Variants in NALF1 observed in about 807,000 individuals in gnomAD.
NALF1 encodes the protein family with sequence similarity 155 member A.
A neutral mutation model predicts 48.4 loss-of-function variants in NALF1; 3 were observed. The observed-to-expected ratio is 0.06, with a 90% CI of 0.03 to 0.16. The LOEUF (loss-of-function observed/expected upper bound fraction) is 0.16, where lower values mean the gene tolerates loss of function less well. Among genes scored for constraint, NALF1 ranks in the 10% least tolerant of loss-of-function variants. The pLI, the probability that NALF1 is intolerant of heterozygous loss-of-function variation, is 1.00. For synonymous variants in NALF1, 262 were observed against 245.7 expected, an observed-to-expected ratio of 1.07 and a Z score of -0.62; for missense variants, 526 against 571.5, an observed-to-expected ratio of 0.92 and a Z score of 0.81.
intron 1 of NALF1, among the ~76,000 whole-genome samples, chr13:107,247,240 C>T (rs1880603289): frequency 6.6e-6 from 1 of 152,128 alleles, no homozygotes. Context: ...ATTCCTTTAT[C>T]TTCCTTAACA....
chr13:107,441,728 G>T (rs1884563201), intron 1 of NALF1, among the ~76,000 whole-genome samples: 1 of 152,192 alleles, frequency 6.6e-6, no homozygotes, highest in Admixed American at 6.5e-5. Context: ...AAGGAATGGG[G>T]TGATTTCAGC....
intron 1 of NALF1, among the ~76,000 whole-genome samples, chr13:107,442,012 A>T (rs1236504683): frequency 6.6e-6 from 1 of 152,224 alleles, no homozygotes; most frequent in Non-Finnish European, 1.5e-5. Flanking sequence ...AGAGACCAAC[A>T]TATATTTTTA....
At chr13:107,232,435 G>C (rs957671372) in intron 1 of NALF1, among the ~76,000 whole-genome samples, 57 of 152,202 alleles carry the variant, frequency 3.7e-4, no homozygotes, top group Admixed American at 2.9e-3. Context: ...AGTATTAACA[G>C]ATTCCTCCTA....
rs1879333716 is a variant in NALF1 at position 107,193,966 on chromosome 13, C to T, written c.1087+16618G>A. 5.3e-5 allele frequency among the ~76,000 whole-genome samples: 8 copies of T among 152,046 alleles called. 1 individual carries two copies. In the South Asian group the frequency reaches 1.5e-3, roughly 28 times the overall value. ...TGAATCTCTCCATGTACATCTACCA[C>T]CAATACATCTTTATATATCTCAACT... On this transcript the variant is annotated intron_variant, in intron 2 of 2. Coordinates refer to ENST00000375915, the MANE Select transcript of NALF1 (RefSeq NM_001080396.3).
intron 2 of NALF1, among the ~76,000 whole-genome samples, chr13:107,208,071 C>A (rs922494080): frequency 6.6e-6 from 1 of 152,148 alleles, no homozygotes; most frequent in African/African-American, 2.4e-5. Flanking sequence ...AAAAGAAGAT[C>A]AATATGAAAA....
At chr13:107,762,604 A>G (rs1877296706) in intron 1 of NALF1, among the ~76,000 whole-genome samples, 3 of 152,212 alleles carry the variant, frequency 2.0e-5, no homozygotes, top group African/African-American at 7.2e-5. Flanking sequence ...AGTTAGAGAA[A>G]ATCAAACAGG....
intron 1 of NALF1, among the ~76,000 whole-genome samples, chr13:107,408,939 T>C (rs1002988538): frequency 6.6e-6 from 1 of 152,194 alleles, no homozygotes; most frequent in African/African-American, 2.4e-5. Flanking sequence ...ACCAACTATT[T>C]ATAGAAAACC....
At chr13:107,198,160 G>A (rs1463619894) in intron 2 of NALF1, among the ~76,000 whole-genome samples, 1 of 151,976 alleles carries the variant, frequency 6.6e-6, no homozygotes, top group Non-Finnish European at 1.5e-5. Context: ...TAAATTTTCA[G>A]CAATATTGAG....
At chr13:107,434,367 T>G (rs531687029) in intron 1 of NALF1, among the ~76,000 whole-genome samples, 1 of 152,128 alleles carries the variant, frequency 6.6e-6, no homozygotes, top group African/African-American at 2.4e-5. Flanking sequence ...AAGTGGGATC[T>G]TTTCTCTATC....
chr13:107,460,054 T>C (rs1884893605), intron 1 of NALF1, among the ~76,000 whole-genome samples: 1 of 152,262 alleles, frequency 6.6e-6, no homozygotes, highest in Non-Finnish European at 1.5e-5. Context: ...TCTTGCCATA[T>C]TTCTGACATT....
chr13:107,466,729 C>T (rs188944580), intron 1 of NALF1: 1 of 152,290 alleles, frequency 6.6e-6, no homozygotes, highest in Admixed American at 6.5e-5. Flanking sequence ...TTCAGAAGCA[C>T]ATTTCTTGAA....
rs980760829 is a variant in NALF1 at position 107,164,780 on chromosome 13, A to T, written c.*5717T>A. ...TGATGGTCAGTCTGCTAGCTTAAGG[A>T]TGTGAGGTGTTGTTAAAAAAAAAAT... On this transcript the variant is annotated 3_prime_UTR_variant, in exon 3 of 3. Coordinates refer to ENST00000375915, the MANE Select transcript of NALF1 (RefSeq NM_001080396.3). 6.6e-6 allele frequency: 1 copy of T among 150,690 alleles called. No homozygotes were observed. Among genetic ancestry groups the T allele is most frequent in the Non-Finnish European group, 1.5e-5 (1 of 68,012 alleles). The allele number at this position is 150,690 out of a possible 1,614,324, so 9.3% of individuals were successfully genotyped here.
Position 107,656,935 on chromosome 13 carries a change from A to G in NALF1, c.915+208747T>C, listed in dbSNP as rs570599137. Among the ~76,000 whole-genome samples, 10 of 152,214 alleles carry G rather than the reference A, an allele frequency of 6.6e-5. No individual in the cohort carries two copies. In the East Asian group the frequency reaches 1.7e-3, roughly 26 times the overall value. The stretch of plus-strand genomic sequence containing the variant: ...AACCAAACATTGTATTTTCTCACTC[A>G]TATGTGGGAGCTAAGCTATGAGAAC... On this transcript the variant is annotated intron_variant, in intron 1 of 2. Coordinates refer to ENST00000375915, the MANE Select transcript of NALF1 (RefSeq NM_001080396.3).
chr13:107,186,355 C>A (rs1163028025), intron 2 of NALF1, among the ~76,000 whole-genome samples: 2 of 152,006 alleles, frequency 1.3e-5, no homozygotes, highest in Non-Finnish European at 2.9e-5. Flanking sequence ...ACACCACTTG[C>A]ATATTTTCTA....
intron 1 of NALF1, among the ~76,000 whole-genome samples, chr13:107,232,798 T>G (rs931116596): frequency 6.6e-6 from 1 of 152,188 alleles, no homozygotes; most frequent in African/African-American, 2.4e-5. Context: ...AGCCTGCAAT[T>G]TTTTTCGAGC....
At chr13:107,607,002 T>C (rs1279429553) in intron 1 of NALF1, among the ~76,000 whole-genome samples, 1 of 152,220 alleles carries the variant, frequency 6.6e-6, no homozygotes, top group Non-Finnish European at 1.5e-5. Flanking sequence ...TTTTCTATTA[T>C]TCTGAAGGCA....
intron 1 of NALF1, among the ~76,000 whole-genome samples, chr13:107,587,708 C>A (rs1878497621): frequency 6.6e-6 from 1 of 152,140 alleles, no homozygotes; most frequent in Non-Finnish European, 1.5e-5. Flanking sequence ...ACAACTTTGT[C>A]CAGAGACGAA....
At chr13:107,706,399 C>T (rs1214786666) in intron 1 of NALF1, among the ~76,000 whole-genome samples, 1 of 152,178 alleles carries the variant, frequency 6.6e-6, no homozygotes, top group Non-Finnish European at 1.5e-5. Context: ...AGTTACTTCA[C>T]TAAGCCTAAT....
intron 1 of NALF1, among the ~76,000 whole-genome samples, chr13:107,859,384 G>C (rs1171307610): frequency 1.3e-5 from 2 of 152,144 alleles, no homozygotes; most frequent in Non-Finnish European, 2.9e-5. Flanking sequence ...TTAAGCATCT[G>C]AGATAGCTTC....
Sources: gnomAD v4.1 joint callset for allele counts (sites outside exome capture counted in the v4.1 genomes callset) on GRCh38, gnomAD v4.1.1 for gene constraint, MANE v1.5 for transcripts, NCBI Gene and HGNC (gene_info 2026-07-23, HGNC 2026-07-21) for gene names.